Variants in ESYT1 observed in about 807,000 individuals in gnomAD.
ESYT1 encodes extended synaptotagmin-1.
ESYT1 carries 116 observed loss-of-function variants against 154.2 expected under a neutral mutation model. The ratio of observed to expected loss-of-function variants is 0.75; its 90% CI spans 0.65 to 0.88. ESYT1 has a LOEUF of 0.88. ESYT1 is among the 40% of genes least tolerant of loss of function. The pLI is 0.00. For synonymous variants in ESYT1, 500 were observed against 539.9 expected, an observed-to-expected ratio of 0.93 and a Z score of 1.02; for missense variants, 1,264 against 1,379.3, an observed-to-expected ratio of 0.92 and a Z score of 1.32.
Position 56,144,556 on chromosome 12 carries a change from T to G in ESYT1, c.*694T>G, listed in dbSNP as rs14483. 7,047 of 985,458 alleles carry G rather than the reference T, an allele frequency of 7.2e-3. 47 individuals are homozygous for G. Among genetic ancestry groups the G allele is most frequent in the Non-Finnish European group, 7.8e-3 (6,439 of 830,004 alleles). The allele number at this position is 985,458 out of a possible 1,614,324, so 61.0% of individuals were successfully genotyped here. On this transcript the variant is annotated 3_prime_UTR_variant, in exon 31 of 31. Coordinates refer to ENST00000394048, the MANE Select transcript of ESYT1 (RefSeq NM_015292.3). ...GAGGACTTGGGACAGCAGGGCCAAT[T>G]TTTTTGCCCAAGTGCCTAGGCTGCT... is the stretch of plus-strand genomic sequence containing the variant.
At chr12:56,132,648 A>C in intron 9 of ESYT1, 51 bp downstream of exon 9, 1 of 1,613,904 alleles carries the variant, frequency 6.2e-7, no homozygotes, top group Non-Finnish European at 8.5e-7. Flanking sequence ...GGAGGTTGTG[A>C]GAGAAGATGC....
Position 56,134,397 on chromosome 12 carries a change from A to G in ESYT1, c.1601A>G (p.Gln534Arg). The G allele has an allele frequency of 6.2e-7, 1 of 1,614,144 alleles. No individual in the cohort carries two copies. The highest frequency in any genetic ancestry group is 8.5e-7 in the Non-Finnish European group (1 of 1,180,018). The change falls in exon 15 of 31, where the codon CAA (glutamine) becomes CGA (arginine). Residue 534 changes from glutamine to arginine, a missense_variant. Physicochemically the swap from Gln to Arg is conservative, Grantham distance 43. Transcript: ENST00000394048. ...VWEEAFRFFL[Q>R]DPQSQELDVQ... ...GAGGAAGCGTTCCGGTTCTTCCTACAAGACCCTCAAAGCCAGGAGCTCGAT... is the reference window on the plus strand; with the variant it reads ...GAGGAAGCGTTCCGGTTCTTCCTACGAGACCCTCAAAGCCAGGAGCTCGAT...
In ESYT1 at chr12:56,142,492, C is replaced by T. The variant is rs548308134; in HGVS notation, c.2733+67C>T. The stretch of plus-strand genomic sequence containing the variant: ...GGAGGGCCTTCACAGGTGAGGGACA[C>T]CCAGGAGGGTGGGAACAGAGGGCCG... On this transcript the variant is annotated intron_variant, in intron 25 of 30. Transcript: ENST00000394048. This position sits in a 1 kb window ranked among gnomAD's most constrained non-coding sequence, Gnocchi z 4.1. The T allele has an allele frequency of 4.4e-6, 7 of 1,607,890 alleles. No individual in the cohort carries two copies. In the South Asian group the frequency reaches 7.7e-5, roughly 18 times the overall value.
chr12:56,131,944 A>G (rs1870252391), intron 7 of ESYT1, 140 bp downstream of exon 7: 2 of 1,031,452 alleles, frequency 1.9e-6, no homozygotes, highest in Non-Finnish European at 2.9e-6. Flanking sequence ...ATACCCCTGC[A>G]AAGTTTGATA....
chr12:56,141,468 C>T (rs4759224), intron 24 of ESYT1, among the ~76,000 whole-genome samples: 140,017 of 152,182 alleles, frequency 0.92, 64,875 homozygotes, highest in East Asian at 0.99. Flanking sequence ...AGGTTGGGCG[C>T]GGTGGCTCAC....
At chr12:56,139,738 T>C (rs1013292657) in intron 24 of ESYT1, among the ~76,000 whole-genome samples, 1 of 151,378 alleles carries the variant, frequency 6.6e-6, no homozygotes, top group Non-Finnish European at 1.5e-5. Flanking sequence ...TGGGATTACA[T>C]GCGCGTGCCA....
At position 56,132,534 on chromosome 12, in the gene ESYT1, C is replaced by G; in HGVS notation, c.1098C>G (p.Thr366=). 1 of 1,614,138 alleles carries G rather than the reference C, an allele frequency of 6.2e-7. No homozygotes were observed. ...SDPYALVRLG[T]QTFCSRVIDE... is the part of the protein sequence containing the mutation. ...CATATGCACTTGTGCGTTTGGGTACCCAGACATTCTGCAGTCGTGTCATTG... is the reference window on the plus strand; with the variant it reads ...CATATGCACTTGTGCGTTTGGGTACGCAGACATTCTGCAGTCGTGTCATTG... Residue 366 remains threonine, a synonymous_variant, in exon 9 of 31, where the codon ACC becomes ACG. Coordinates refer to ENST00000394048, the MANE Select transcript of ESYT1 (RefSeq NM_015292.3).
intron 15 of ESYT1, among the ~76,000 whole-genome samples, chr12:56,136,414 C>A (rs999205127): frequency 6.6e-6 from 1 of 151,882 alleles, no homozygotes; most frequent in Non-Finnish European, 1.5e-5. Flanking sequence ...CACCATGAAA[C>A]CCTGTCTCTA....
intron 22 of ESYT1, 133 bp downstream of exon 22, chr12:56,138,632 AGTT>A: frequency 7.8e-7 from 1 of 1,274,578 alleles, no homozygotes; most frequent in African/African-American, 1.5e-5. Context: ...GGGTGGGAAA[AGTT>A]GTCTGTTCAA....
intron 10 of ESYT1, 107 bp from the exon 11 acceptor site, chr12:56,133,310 A>G (rs771332377): frequency 8.4e-7 from 1 of 1,189,190 alleles, no homozygotes; most frequent in Non-Finnish European, 1.3e-6. Context: ...GGAGTCTGAG[A>G]TCTGCCAGTC....
At chr12:56,133,944 T>C in intron 13 of ESYT1, 71 bp downstream of exon 13, 3 of 1,552,924 alleles carry the variant, frequency 1.9e-6, no homozygotes, top group Non-Finnish European at 2.7e-6. Flanking sequence ...AGGATGCAAA[T>C]GTCCCTGCCT....
In ESYT1 at chr12:56,131,262, G is replaced by A; in HGVS notation, c.660G>A (p.Gln220=). The change falls in exon 5 of 31, where the codon CAG becomes CAA. Residue 220 remains glutamine, a synonymous_variant. Transcript: ENST00000394048. ...DLNISYVGDV[Q]IDVEVKKYFC... ...TCCCCAGCTATGTAGGTGATGTGCA[G>A]ATTGATGTGGAAGTGAAGAAATATT... 1 of 1,614,204 alleles carries A rather than the reference G, an allele frequency of 6.2e-7. No homozygotes were observed. The highest frequency in any genetic ancestry group is 8.5e-7 in the Non-Finnish European group (1 of 1,180,044).
rs1204339908 is a variant in ESYT1, at chr12:56,134,601, AT to A, written c.1632+188del. Among the ~76,000 whole-genome samples the A allele has an allele frequency of 8.1e-3, 1,155 of 142,890 alleles. 6 individuals carry two copies. The highest frequency in any genetic ancestry group is 0.019 in the African/African-American group (740 of 39,202). 93.7% of individuals were successfully genotyped at this position (142,890 alleles called of 152,430 possible). On this transcript the variant is annotated intron_variant, in intron 15 of 30. Transcript: ENST00000394048. ...TCCCCAACTGTCGCTCCAGAATAAT[AT>A]TTTTTTTTTTTTTTGAGATGGAGTC...
In ESYT1 at chr12:56,142,162, C is replaced by T; in HGVS notation, c.2593-123C>T. The T allele has an allele frequency of 8.8e-7, 1 of 1,142,092 alleles. No individual in the cohort carries two copies. The highest frequency in any genetic ancestry group is 1.5e-5 in the South Asian group (1 of 65,456). 70.7% of individuals were successfully genotyped at this position (1,142,092 alleles called of 1,614,324 possible). A position where few individuals can be genotyped will look rare whatever the true frequency, so the allele number is the denominator to read the frequency against. ...AGCAACTGTTACCATGGCTTCCCTG[C>T]CTTTCTCAAAGGGAAATCTCACCAA... On this transcript the variant is annotated intron_variant, in intron 24 of 30. Coordinates refer to ENST00000394048, the MANE Select transcript of ESYT1 (RefSeq NM_015292.3). The surrounding 1 kb of genome is among the most constrained non-coding windows in gnomAD (Gnocchi z 4.1).
At chr12:56,134,305 G>C (rs778275245) in intron 14 of ESYT1, 37 bp from the exon 15 acceptor site, 58 of 1,605,502 alleles carry the variant, frequency 3.6e-5, no homozygotes, top group Non-Finnish European at 4.9e-5. Flanking sequence ...GAATGGTGCT[G>C]TGGTATACAC....
At position 56,143,262 on chromosome 12, in the gene ESYT1, A is replaced by G; in HGVS notation, c.3154A>G (p.Arg1052Gly). 6.2e-7 allele frequency: 1 copy of G among 1,614,202 alleles called. No homozygotes were observed. The highest frequency in any genetic ancestry group is 1.1e-5 in the South Asian group (1 of 91,080). ...GGAACTCCCCCTGGATGAGGCCCAG[A>G]GACGAAAGCTGGATGTCTCTGTCAA... ...EWELPLDEAQ[R>G]RKLDVSVKSN... Residue 1052 changes from arginine to glycine, a missense_variant, in exon 29 of 31, where the codon AGA (arginine) becomes GGA (glycine). Arg to Gly is a moderately radical substitution (Grantham distance 125, BLOSUM62 -2). Transcript: ENST00000394048.
intron 18 of ESYT1, 44 bp downstream of exon 18, chr12:56,137,719 C>T (rs1870522152): frequency 1.2e-6 from 2 of 1,608,094 alleles, no homozygotes; most frequent in Non-Finnish European, 8.5e-7. Context: ...CCCCATTTTT[C>T]CCCCAATCCC....
rs529521209 is a variant in ESYT1, at chr12:56,131,485, C to A, written c.723C>A (p.Gly241=). Residue 241 remains glycine, a synonymous_variant, in exon 6 of 31, where the codon GGC becomes GGA. Transcript: ENST00000394048. ...TTCTCTTCTTGCCTCAGCTACATGG[C>A]GTTTTGCGGGTGATACTGGAGCCAC... ...KAGVKGMQLH[G]VLRVILEPLI... is the part of the protein sequence containing the mutation. 2 of 1,614,082 alleles carry A rather than the reference C, an allele frequency of 1.2e-6. No homozygotes were observed. Among genetic ancestry groups the A allele is most frequent in the South Asian group, 1.1e-5 (1 of 91,076 alleles).
chr12:56,141,473 G>A (rs1429792166), intron 24 of ESYT1, among the ~76,000 whole-genome samples: 1 of 152,204 alleles, frequency 6.6e-6, no homozygotes, highest in Non-Finnish European at 1.5e-5. Flanking sequence ...GGGCGCGGTG[G>A]CTCACGCCTG....
Sources: gnomAD v4.1 joint callset for allele counts (sites outside exome capture counted in the v4.1 genomes callset) on GRCh38, gnomAD v4.1.1 for gene constraint, Gnocchi (gnomAD v3.1) non-coding constraint, MANE v1.5 for transcripts, NCBI Gene and HGNC (gene_info 2026-07-23, HGNC 2026-07-21) for gene names.